Variants in GET1 observed in about 807,000 individuals in gnomAD.
The protein encoded by GET1 is congenital heart disease 5 protein.
Under a neutral mutation model 22.6 loss-of-function variants are expected in GET1, and 20 were observed. The ratio of observed to expected loss-of-function variants is 0.89; its 90% CI spans 0.62 to 1.29. GET1 has a LOEUF of 1.29. Ranked by LOEUF, GET1 falls within the 50% of genes most tolerant of loss-of-function variation. The pLI is 0.00. For missense variants in GET1, 209 were observed against 219.9 expected, an observed-to-expected ratio of 0.95 and a Z score of 0.31; for synonymous variants, 92 against 83.8, an observed-to-expected ratio of 1.10 and a Z score of -0.53.
chr21:39,416,457 G>A (rs2041172613), intron 1 of GET1, among the ~76,000 whole-genome samples: 1 of 152,118 alleles, frequency 6.6e-6, no homozygotes, highest in Non-Finnish European at 1.5e-5. Context: ...ATACGTTCCA[G>A]GTTCATCTAG....
At chr21:39,409,208 A>G (rs1229002582), downstream of GET1, among the ~76,000 whole-genome samples, 1 of 152,136 alleles carries the variant, frequency 6.6e-6, no homozygotes, top group Non-Finnish European at 1.5e-5. The surrounding 1 kb of genome is among the most constrained non-coding windows in gnomAD (Gnocchi z 4.2). Flanking sequence ...ACGCCACATG[A>G]AGACATAGTG....
At chr21:39,387,679 T>G (rs1464718984) in intron 1 of GET1, 6 of 91,594 alleles carry the variant, frequency 6.6e-5, no homozygotes, top group Non-Finnish European at 1.4e-4. Context: ...CCACCCCCCC[T>G]ACTCCCCACA....
chr21:39,415,117 G>A (rs1194997478), intron 1 of GET1, among the ~76,000 whole-genome samples: 1 of 152,006 alleles, frequency 6.6e-6, no homozygotes, highest in Non-Finnish European at 1.5e-5. Flanking sequence ...GCCTTGGCTG[G>A]TCTTGACTTC....
chr21:39,409,049 T>C (rs1457565772), downstream of GET1, among the ~76,000 whole-genome samples: 1 of 152,220 alleles, frequency 6.6e-6, no homozygotes, highest in Non-Finnish European at 1.5e-5. The surrounding 1 kb of genome is among the most constrained non-coding windows in gnomAD (Gnocchi z 4.2). Flanking sequence ...AGTATGGCTA[T>C]ATTTGGAGAC....
chr21:39,416,076 T>A lies in GET1; in HGVS notation c.*23+5139T>A, dbSNP rs1019817579. Among the ~76,000 whole-genome samples, 7 of 152,332 alleles carry A rather than the reference T, an allele frequency of 4.6e-5. No homozygotes were observed. The South Asian group carries it at 8.3e-4, about 18-fold the overall frequency. ...AATAGTGACAATTCTAATCCTGTCA[T>A]TCCTTCTTCATTATTGAGTGGAATG... is the stretch of plus-strand genomic sequence containing the variant. On this transcript the variant is annotated intron_variant, in intron 1 of 1. Transcript: ENST00000478273.
In GET1 at chr21:39,414,592, G is replaced by A. The variant is rs540660440; in HGVS notation, c.*23+3655G>A. On this transcript the variant is annotated intron_variant, in intron 1 of 1. Coordinates refer to the GET1 transcript ENST00000478273. ...CAACCTCGTGACTCGCTACCAAAAG[G>A]TGGAGTTCACTGCTTGAACTGCCTA... is the stretch of plus-strand genomic sequence containing the variant. Among the ~76,000 whole-genome samples the A allele has an allele frequency of 2.6e-5, 4 of 152,228 alleles. No individual in the cohort carries two copies. In the East Asian group the frequency reaches 7.7e-4, roughly 29 times the overall value.
intron 4 of GET1, among the ~76,000 whole-genome samples, chr21:39,395,018 C>T (rs959458302): frequency 2.6e-5 from 4 of 151,954 alleles, no homozygotes; most frequent in Non-Finnish European, 5.9e-5. Flanking sequence ...CACAGTTGCA[C>T]ACCACCATGC....
intron 1 of GET1, among the ~76,000 whole-genome samples, chr21:39,418,323 C>A (rs894546396): frequency 6.6e-6 from 1 of 152,102 alleles, no homozygotes; most frequent in Non-Finnish European, 1.5e-5. Flanking sequence ...CATAGTAGTA[C>A]ATCAAGATTC....
At chr21:39,407,247 A>T (rs1038999310), downstream of GET1, among the ~76,000 whole-genome samples, 5 of 152,120 alleles carry the variant, frequency 3.3e-5, no homozygotes, top group African/African-American at 1.2e-4. Flanking sequence ...AACAAAACAG[A>T]ACAGAAGAAC....
chr21:39,422,869 A>C lies in GET1; in HGVS notation c.*24-5363A>C, dbSNP rs1229888878. On this transcript the variant is annotated intron_variant, in intron 1 of 1. Coordinates refer to the GET1 transcript ENST00000478273. ...TTATTTAGTGCAGCACGCCAAGTGA[A>C]GCAGTTAGTAATGCTTTGTTACAGA... is the stretch of plus-strand genomic sequence containing the variant. 4.0e-6 allele frequency: 4 copies of C among 1,002,300 alleles called. No individual in the cohort carries two copies. In the African/African-American group the frequency reaches 6.5e-5, roughly 16 times the overall value. The allele number at this position is 1,002,300 out of a possible 1,614,324, so 62.1% of individuals were successfully genotyped here.
At chr21:39,414,730 C>CTGTGTG in intron 1 of GET1, among the ~76,000 whole-genome samples, 1 of 113,496 alleles carries the variant, frequency 8.8e-6, no homozygotes, top group African/African-American at 3.8e-5. Flanking sequence ...CTCTCTCTCT[C>CTGTGTG]TCTCTCTCTC....
chr21:39,427,539 G>A (rs1414063108), intron 1 of GET1, among the ~76,000 whole-genome samples: 5 of 152,088 alleles, frequency 3.3e-5, no homozygotes, highest in African/African-American at 1.2e-4. Context: ...GTGGGTGCCT[G>A]TAGTCCCAGC....
At chr21:39,389,553 C>T (rs977754450) in intron 1 of GET1, among the ~76,000 whole-genome samples, 5 of 152,132 alleles carry the variant, frequency 3.3e-5, no homozygotes, top group African/African-American at 7.2e-5. Flanking sequence ...TGGTGTCCAC[C>T]GCCCACTGTT....
At chr21:39,423,811 T>TTGAC (rs2074155922) in intron 1 of GET1, among the ~76,000 whole-genome samples, 1 of 152,146 alleles carries the variant, frequency 6.6e-6, no homozygotes, top group Non-Finnish European at 1.5e-5. Flanking sequence ...CAGGTCTTCT[T>TTGAC]TGACTCTAAA....
At chr21:39,426,944 C>T (rs374554890) in intron 1 of GET1, among the ~76,000 whole-genome samples, 2 of 152,172 alleles carry the variant, frequency 1.3e-5, no homozygotes, top group African/African-American at 4.8e-5. Context: ...TACAAACACA[C>T]ATAGACACAA....
At position 39,390,823 on chromosome 21, in the gene GET1, A is replaced by G. The variant is rs1396837536; in HGVS notation, c.228A>G (p.Glu76=). 16 of 1,614,072 alleles carry G rather than the reference A, an allele frequency of 9.9e-6. No individual in the cohort carries two copies. Among genetic ancestry groups the G allele is most frequent in the East Asian group, 2.2e-5 (1 of 44,894 alleles). The change falls in exon 2 of 5, where the codon GAA becomes GAG. Residue 76 remains glutamate, a synonymous_variant. Transcript: ENST00000649170. ...AGTTTGCCAGATATGCCAGGCTGGAAAGAAAGATCAACAAGATGACGGATA... is the reference window on the plus strand; with the variant it reads ...AGTTTGCCAGATATGCCAGGCTGGAGAGAAAGATCAACAAGATGACGGATA... ...MDEFARYARL[E]RKINKMTDKL...
At chr21:39,422,737 A>G in intron 1 of GET1, 1 of 546,256 alleles carries the variant, frequency 1.8e-6, no homozygotes, top group East Asian at 3.0e-5. Flanking sequence ...CAGTCCAGCC[A>G]CAGAGTGAAC....
intron 4 of GET1, among the ~76,000 whole-genome samples, chr21:39,403,365 T>A (rs59963259): frequency 1.3e-5 from 2 of 152,168 alleles, no homozygotes; most frequent in African/African-American, 2.4e-5. Flanking sequence ...CTCGCTCTGT[T>A]GCCCAGGCTG....
At chr21:39,391,171 AGCCC>A in intron 2 of GET1, 2 of 230,500 alleles carry the variant, frequency 8.7e-6, no homozygotes, top group Non-Finnish European at 8.7e-6. Flanking sequence ...TTCTGAGAGA[AGCCC>A]AGAAAAAAAG....
Sources: allele counts gnomAD v4.1 joint callset (sites outside exome capture counted in the v4.1 genomes callset), GRCh38; gene constraint gnomAD v4.1.1; non-coding constraint Gnocchi (gnomAD v3.1); transcripts MANE v1.5; gene names NCBI Gene and HGNC (gene_info 2026-07-23, HGNC 2026-07-21).